RAB38: variants seen among roughly 807,000 people sequenced by gnomAD.
RAB38 encodes RAB38, member RAS oncogene family.
Under a neutral mutation model 18.4 loss-of-function variants are expected in RAB38, and 15 were observed. The ratio of observed to expected loss-of-function variants is 0.82; its 90% confidence interval spans 0.55 to 1.26. The LOEUF (loss-of-function observed/expected upper bound fraction) is 1.26, where lower values mean the gene tolerates loss of function less well. Ranked by LOEUF, RAB38 falls within the 50% of genes most tolerant of loss-of-function variation. The probability of loss-of-function intolerance (pLI) is 0.00; values close to 1 mark genes in which losing one functional copy is unlikely to be tolerated. For synonymous variants in RAB38, 101 were observed against 104.4 expected, an observed-to-expected ratio of 0.97 and a Z score of 0.20; for missense variants, 294 against 267.4, an observed-to-expected ratio of 1.10 and a Z score of -0.69.
At chr11:88,060,666 AT>A in the RAB38 span, among the ~76,000 whole-genome samples, 2 of 152,134 alleles carry the variant, frequency 1.3e-5, no homozygotes, top group African/African-American at 4.8e-5. Flanking sequence ...GGGCCAGATA[AT>A]TTTTTGTTGT....
At chr11:88,143,358 T>C (rs1233042846) in intron 2 of RAB38, among the ~76,000 whole-genome samples, 1 of 152,212 alleles carries the variant, frequency 6.6e-6, no homozygotes, top group African/African-American at 2.4e-5. Context: ...AGATGGTAAA[T>C]AATTGAAGCT....
chr11:87,885,923 T>C, the RAB38 span, among the ~76,000 whole-genome samples: 61 of 152,100 alleles, frequency 4.0e-4, no homozygotes, highest in East Asian at 0.011. Context: ...TCATAGTTCT[T>C]TTCTTTCTTT....
the RAB38 span, among the ~76,000 whole-genome samples, chr11:87,835,440 G>A: frequency 3.3e-5 from 5 of 152,090 alleles, no homozygotes; most frequent in South Asian, 2.1e-4. Context: ...ATTAAGCCCC[G>A]GCTTAGGGCA....
At chr11:87,963,581 A>T in the RAB38 span, among the ~76,000 whole-genome samples, 4 of 152,264 alleles carry the variant, frequency 2.6e-5, no homozygotes, top group South Asian at 8.3e-4. Context: ...AAATACAAGC[A>T]GAGTTAAAAC....
chr11:87,965,374 G>A, the RAB38 span, among the ~76,000 whole-genome samples: 1 of 151,966 alleles, frequency 6.6e-6, no homozygotes, highest in African/African-American at 2.4e-5. Flanking sequence ...TCTGGAGATT[G>A]CCTTTCATAA....
At chr11:88,026,001 T>A in the RAB38 span, among the ~76,000 whole-genome samples, 1 of 152,052 alleles carries the variant, frequency 6.6e-6, no homozygotes, top group Non-Finnish European at 1.5e-5. Context: ...AGTCTCGCTG[T>A]GTCGCCAGGC....
At chr11:87,883,096 T>C in the RAB38 span, among the ~76,000 whole-genome samples, 1 of 151,902 alleles carries the variant, frequency 6.6e-6, no homozygotes, top group Non-Finnish European at 1.5e-5. Flanking sequence ...AAATACTCTT[T>C]GTAGATTTTT....
At chr11:87,975,257 G>C in the RAB38 span, among the ~76,000 whole-genome samples, 1 of 151,826 alleles carries the variant, frequency 6.6e-6, no homozygotes, top group Non-Finnish European at 1.5e-5. Context: ...TACTCCCGAA[G>C]AAAGTCACAT....
the RAB38 span, among the ~76,000 whole-genome samples, chr11:87,838,117 T>A: frequency 0.043 from 5,721 of 132,416 alleles, 124 homozygotes; most frequent in African/African-American, 0.079. Context: ...ATTTTTATTT[T>A]TATTTTTTTT....
chr11:88,076,046 A>G, the RAB38 span, among the ~76,000 whole-genome samples: 3 of 151,632 alleles, frequency 2.0e-5, no homozygotes, highest in East Asian at 5.8e-4. Context: ...ATAAAATAAA[A>G]AGATCAAAAA....
At chr11:87,974,884 C>T in the RAB38 span, among the ~76,000 whole-genome samples, 1 of 151,882 alleles carries the variant, frequency 6.6e-6, no homozygotes, top group Non-Finnish European at 1.5e-5. Flanking sequence ...GAATTCATTT[C>T]CTAGGCCTAC....
At chr11:87,967,375 C>A in the RAB38 span, among the ~76,000 whole-genome samples, 1 of 152,162 alleles carries the variant, frequency 6.6e-6, no homozygotes, top group Admixed American at 6.6e-5. Flanking sequence ...GGACCAACTT[C>A]AGAGCCTTCT....
chr11:88,109,458 T>C (rs1035120773), downstream of RAB38, among the ~76,000 whole-genome samples: 1 of 152,154 alleles, frequency 6.6e-6, no homozygotes, highest in Non-Finnish European at 1.5e-5. Context: ...GACATAGGCA[T>C]GGGCAAAGAC....
chr11:88,092,380 GAGAGAGAGAGAGAGA>G, the RAB38 span, among the ~76,000 whole-genome samples: 16 of 30,826 alleles, frequency 5.2e-4, 3 homozygotes, highest in African/African-American at 1.2e-3. Flanking sequence ...GAGAGAGAGA[GAGAGAGAGAGAGAGA>G]GAGAGAGAGA....
chr11:88,154,447 T>C (rs1943101243), intron 1 of RAB38, among the ~76,000 whole-genome samples: 1 of 152,132 alleles, frequency 6.6e-6, no homozygotes, highest in Admixed American at 6.5e-5. Context: ...TGGGCAGTAA[T>C]ACTTGTAGCT....
the RAB38 span, among the ~76,000 whole-genome samples, chr11:87,969,803 T>A: frequency 6.6e-6 from 1 of 152,280 alleles, no homozygotes; most frequent in East Asian, 1.9e-4. Context: ...TAACAGCTTT[T>A]AGAATTGGCA....
At chr11:87,849,258 C>T in the RAB38 span, among the ~76,000 whole-genome samples, 125 of 152,236 alleles carry the variant, frequency 8.2e-4, 2 homozygotes, top group South Asian at 0.024. Context: ...CCCAAGTTTG[C>T]CCAGGACAAT....
chr11:88,011,420 C>CA, the RAB38 span, among the ~76,000 whole-genome samples: 1 of 152,048 alleles, frequency 6.6e-6, no homozygotes. Context: ...TTTACAAGTC[C>CA]AAAAACTGAG....
At chr11:87,965,259 C>T in the RAB38 span, among the ~76,000 whole-genome samples, 5 of 149,640 alleles carry the variant, frequency 3.3e-5, no homozygotes, top group African/African-American at 9.9e-5. Context: ...ATTTCAAGAT[C>T]TCAGGTAAAC....
Sources: allele counts gnomAD v4.1 joint callset (sites outside exome capture counted in the v4.1 genomes callset), GRCh38; gene constraint gnomAD v4.1.1; transcripts MANE v1.5; gene names NCBI Gene and HGNC (gene_info 2026-07-23, HGNC 2026-07-21).